PSG3: variants seen among roughly 807,000 people sequenced by gnomAD.
The protein encoded by PSG3 is pregnancy specific beta-1-glycoprotein 3, also known as pregnancy-specific beta-1-glycoprotein 3.
A neutral mutation model predicts 47.5 loss-of-function variants in PSG3; 61 were observed. The ratio of observed to expected loss-of-function variants is 1.28; its 90% CI spans 1.05 to 1.59. PSG3 has a LOEUF of 1.59. Ranked by LOEUF, PSG3 falls within the 40% of genes most tolerant of loss-of-function variation. PSG3 has a pLI of 0.00. For synonymous variants in PSG3, 263 were observed against 198.4 expected (o/e 1.33, Z -2.74); for missense variants, 756 against 524.0 (o/e 1.44, Z -4.32).
chr19:42,731,039 G>C lies in PSG3; in HGVS notation c.710-983C>G, dbSNP rs374687495. Among the ~76,000 whole-genome samples, 135 of 152,288 alleles carry C rather than the reference G, an allele frequency of 8.9e-4. 6 individuals are homozygous for C. In the South Asian group the frequency reaches 0.027, roughly 31 times the overall value. On this transcript the variant is annotated intron_variant, in intron 3 of 6. Transcript: ENST00000327495. ...TGATTCCATGGGTTCGACTACTCTA[G>C]GGACCTCATGTAAGTGGATTCCAGA...
chr19:42,730,423 C>T (rs557807526), intron 3 of PSG3, among the ~76,000 whole-genome samples: 1 of 152,320 alleles, frequency 6.6e-6, no homozygotes, highest in Admixed American at 6.5e-5. Context: ...GGGCCCCTTC[C>T]AAATTCCATC....
At chr19:42,725,166 G>A (rs1232456903) in intron 5 of PSG3, among the ~76,000 whole-genome samples, 1 of 152,164 alleles carries the variant, frequency 6.6e-6, no homozygotes, top group Non-Finnish European at 1.5e-5. Context: ...ACTGTGTGTG[G>A]CATCTCGTTT....
intron 3 of PSG3, among the ~76,000 whole-genome samples, chr19:42,730,715 C>G (rs1319782844): frequency 6.6e-6 from 1 of 152,200 alleles, no homozygotes; most frequent in Non-Finnish European, 1.5e-5. Context: ...GAGCAGAGTG[C>G]AAGGAATGAT....
rs968646516 is a variant in PSG3 at position 42,739,220 on chromosome 19, A to G, written c.65-131T>C. ...GACACACACACACACATACAAACAC[A>G]CACACACACACAAAAGGGGCATGTG... On this transcript the variant is annotated intron_variant, in intron 1 of 6. Coordinates refer to ENST00000327495, the MANE Select transcript of PSG3 (RefSeq NM_021016.4). 10 of 1,344,870 alleles carry G rather than the reference A, an allele frequency of 7.4e-6. No individual in the cohort carries two copies. The African/African-American group carries it at 1.5e-4, about 20-fold the overall frequency. 83.3% of individuals were successfully genotyped at this position (1,344,870 alleles called of 1,614,324 possible). A position where few individuals can be genotyped will look rare whatever the true frequency, so the allele number is the denominator to read the frequency against.
intron 2 of PSG3, chr19:42,733,872 C>G (rs1475422377): frequency 1.3e-5 from 2 of 152,308 alleles, no homozygotes; most frequent in East Asian, 3.9e-4. Flanking sequence ...TGGATGTTTG[C>G]AAATGCAGAA....
chr19:42,738,205 C>G, intron 2 of PSG3, among the ~76,000 whole-genome samples: 1 of 152,216 alleles, frequency 6.6e-6, no homozygotes, highest in Non-Finnish European at 1.5e-5. Flanking sequence ...TGGTGAACAG[C>G]TCCAGGAGAC....
intron 5 of PSG3, 90 bp from the exon 6 acceptor site, chr19:42,724,115 C>T: frequency 1.4e-6 from 2 of 1,476,688 alleles, no homozygotes; most frequent in Non-Finnish European, 1.9e-6. Context: ...ATGAGGTACT[C>T]TATAATTGTT....
At position 42,728,481 on chromosome 19, in the gene PSG3, C is replaced by T. The variant is rs139400550; in HGVS notation, c.1243+642G>A. Among the ~76,000 whole-genome samples the T allele has an allele frequency of 2.0e-3, 299 of 152,328 alleles. 1 individual carries two copies. The highest frequency in any genetic ancestry group is 6.9e-3 in the African/African-American group (287 of 41,584). On this transcript the variant is annotated intron_variant, in intron 5 of 6. Transcript: ENST00000327495. ...GCTCAGGAGTCTGCCCTGAGGCTCC[C>T]TCTCTTTTTGTTTCCCTGCAGCCTG...
chr19:42,736,822 C>T (rs1291434555), intron 2 of PSG3, among the ~76,000 whole-genome samples: 1 of 152,244 alleles, frequency 6.6e-6, no homozygotes, highest in South Asian at 2.1e-4. Context: ...GACATTGGCT[C>T]TAGAGGAAGC....
chr19:42,736,656 GT>G (rs1303386208), intron 2 of PSG3, among the ~76,000 whole-genome samples: 182 of 145,560 alleles, frequency 1.3e-3, no homozygotes, highest in African/African-American at 4.4e-3. Context: ...GTGTGTGTGT[GT>G]GTGCAGGAGG....
intron 2 of PSG3, among the ~76,000 whole-genome samples, chr19:42,735,729 G>A (rs759808230): frequency 9.9e-5 from 15 of 152,194 alleles, no homozygotes; most frequent in Non-Finnish European, 1.6e-4. Context: ...TGTTAGAACC[G>A]AGGAACAAAT....
At position 42,735,445 on chromosome 19, in the gene PSG3, C is replaced by T. The variant is rs188127364; in HGVS notation, c.431-2383G>A. ...GCAGTGGCATGATCTCATCTCACTG[C>T]AAGCTCCACCTCCTGGGTTCATGCC... On this transcript the variant is annotated intron_variant, in intron 2 of 6. Coordinates refer to ENST00000327495, the MANE Select transcript of PSG3 (RefSeq NM_021016.4). Among the ~76,000 whole-genome samples, 41 of 152,188 alleles carry T rather than the reference C, an allele frequency of 2.7e-4. 1 individual carries two copies. In the East Asian group the frequency reaches 6.2e-3, roughly 23 times the overall value.
At chr19:42,737,355 G>T (rs973828774) in intron 2 of PSG3, among the ~76,000 whole-genome samples, 6 of 152,058 alleles carry the variant, frequency 3.9e-5, no homozygotes, top group African/African-American at 7.3e-5. Flanking sequence ...TTCTTCATTT[G>T]TTATGTAAGA....
At chr19:42,726,672 A>G (rs1483124887) in intron 5 of PSG3, among the ~76,000 whole-genome samples, 1 of 152,222 alleles carries the variant, frequency 6.6e-6, no homozygotes, top group Non-Finnish European at 1.5e-5. Context: ...TTTTGTTTTC[A>G]TGAATTGGAA....
intron 3 of PSG3, 57 bp from the exon 4 acceptor site, chr19:42,730,113 G>T (rs1214192613): frequency 6.3e-7 from 1 of 1,598,692 alleles, no homozygotes; most frequent in Non-Finnish European, 8.5e-7. Flanking sequence ...TCCTCCACTG[G>T]CATCCTTCAA....
At chr19:42,724,988 G>C (rs1158760966) in intron 5 of PSG3, among the ~76,000 whole-genome samples, 1 of 152,102 alleles carries the variant, frequency 6.6e-6, no homozygotes, top group Non-Finnish European at 1.5e-5. Flanking sequence ...AACCCTGTGA[G>C]GTAGACATTA....
Position 42,740,347 on chromosome 19 carries a change from A to G in PSG3, c.38T>C (p.Ile13Thr). ...TGTGAGCAGGAGCCCCTTCCAGGTG[A>G]TGCGCTGTGTGCAGGGAGGGGCTGA... ...PLSAPPCTQR[I>T]TWKGLLLTAL... The change falls in exon 1 of 7, where the codon ATC becomes ACC. Residue 13 changes from isoleucine (I) to threonine (T), a missense_variant. Ile to Thr is a moderately conservative substitution (Grantham distance 89, BLOSUM62 -1). Transcript: ENST00000327495. The G allele has an allele frequency of 6.2e-7, 1 of 1,613,904 alleles. No individual in the cohort carries two copies. Among genetic ancestry groups the G allele is most frequent in the Non-Finnish European group, 8.5e-7 (1 of 1,179,864 alleles).
Sources: allele counts gnomAD v4.1 joint callset (sites outside exome capture counted in the v4.1 genomes callset), GRCh38; gene constraint gnomAD v4.1.1; transcripts MANE v1.5; gene names NCBI Gene and HGNC (gene_info 2026-07-23, HGNC 2026-07-21).